COTL1: variants seen among roughly 807,000 people sequenced by gnomAD.
COTL1 encodes coactosin like F-actin binding protein 1.
Under a neutral mutation model 16.5 loss-of-function variants are expected in COTL1, and 15 were observed. The observed-to-expected ratio is 0.91, with a 90% CI of 0.61 to 1.40. The LOEUF (loss-of-function observed/expected upper bound fraction) is 1.40. Among genes scored for constraint, COTL1 ranks in the 40% most tolerant of loss-of-function variants. COTL1 has a pLI of 0.00. For missense variants in COTL1, 220 were observed against 201.5 expected (o/e 1.09, Z -0.56); for synonymous variants, 112 against 85.3 (o/e 1.31, Z -1.73).
intron 2 of COTL1, among the ~76,000 whole-genome samples, chr16:84,614,348 G>A (rs968846023): frequency 4.6e-5 from 7 of 152,138 alleles, no homozygotes; most frequent in Admixed American, 1.3e-4. Flanking sequence ...GGATGAGTGC[G>A]GGGGTGGGAG....
chr16:84,582,676 T>G (rs1904625739), intron 3 of COTL1, among the ~76,000 whole-genome samples: 1 of 152,230 alleles, frequency 6.6e-6, no homozygotes, highest in Non-Finnish European at 1.5e-5. Context: ...AATCCGGGTT[T>G]TGAAGGATGA....
chr16:84,579,383 G>C (rs560928586), intron 3 of COTL1, among the ~76,000 whole-genome samples: 1 of 152,358 alleles, frequency 6.6e-6, no homozygotes, highest in African/African-American at 2.4e-5. Context: ...AGCTTCTTGG[G>C]AGGCTGAGGC....
intron 2 of COTL1, among the ~76,000 whole-genome samples, chr16:84,607,114 C>T (rs1905226534): frequency 6.6e-6 from 1 of 152,168 alleles, no homozygotes; most frequent in Non-Finnish European, 1.5e-5. Context: ...GGGACAAAGT[C>T]CCTCTCTCCA....
chr16:84,567,083 G>A (rs1165468742), intron 3 of COTL1, 128 bp from the exon 4 acceptor site: 7 of 634,796 alleles, frequency 1.1e-5, no homozygotes, highest in Admixed American at 6.6e-5. Flanking sequence ...TGGAAATTCA[G>A]CAGCAGAGTC....
intron 2 of COTL1, among the ~76,000 whole-genome samples, chr16:84,613,776 C>G (rs1465679624): frequency 6.6e-6 from 1 of 152,138 alleles, no homozygotes; most frequent in Non-Finnish European, 1.5e-5. Flanking sequence ...GCCATTCTTC[C>G]CTAGGAAGCC....
intron 3 of COTL1, among the ~76,000 whole-genome samples, chr16:84,586,761 A>AT (rs1237056283): frequency 6.6e-6 from 1 of 151,762 alleles, no homozygotes; most frequent in Non-Finnish European, 1.5e-5. Context: ...CTTTTTTGGT[A>AT]TTTTTAGTAG....
At position 84,566,468 on chromosome 16, in the gene COTL1, G is replaced by T. The variant is rs1232937657; in HGVS notation, c.*377C>A. ...CCCGGGCTCTGGAAAGCAACGTGAGGTCATGCAGATCTCACTAGGCAGACC... is the reference window on the plus strand; with the variant it reads ...CCCGGGCTCTGGAAAGCAACGTGAGTTCATGCAGATCTCACTAGGCAGACC... On this transcript the variant is annotated 3_prime_UTR_variant, in exon 4 of 4. Coordinates refer to ENST00000262428, the MANE Select transcript of COTL1 (RefSeq NM_021149.5). 1 of 169,646 alleles carries T rather than the reference G, an allele frequency of 5.9e-6. No individual in the cohort carries two copies. Among genetic ancestry groups the T allele is most frequent in the Non-Finnish European group, 1.3e-5 (1 of 79,346 alleles). The allele number at this position is 169,646 out of a possible 1,614,324, so 10.5% of individuals were successfully genotyped here.
chr16:84,566,932 G>A lies in COTL1; in HGVS notation c.342C>T (p.Ile114=). 6.2e-7 allele frequency: 1 copy of A among 1,613,638 alleles called. No individual in the cohort carries two copies. The highest frequency in any genetic ancestry group is 8.5e-7 in the Non-Finnish European group (1 of 1,179,626). ...VVQNFAKEFV[I]SDRKELEEDF... ...CTTCCTCCAGCTCCTTCCGATCACT[G>A]ATCACAAACTCCTTAGCGAAATTCT... is the stretch of plus-strand genomic sequence containing the variant. Residue 114 remains isoleucine (I), a synonymous_variant, in exon 4 of 4, where the codon ATC becomes ATT. Coordinates refer to ENST00000262428, the MANE Select transcript of COTL1 (RefSeq NM_021149.5).
chr16:84,601,481 G>A (rs183437449), intron 2 of COTL1, among the ~76,000 whole-genome samples: 1 of 152,066 alleles, frequency 6.6e-6, no homozygotes, highest in East Asian at 1.9e-4. Flanking sequence ...CCCCCGAGAC[G>A]GAGTCTTGCT....
At chr16:84,617,404 G>T in intron 2 of COTL1, 97 bp downstream of exon 2, 1 of 1,168,966 alleles carries the variant, frequency 8.6e-7, no homozygotes. Flanking sequence ...ACCCCATGTG[G>T]CCACCGGTTC....
At chr16:84,578,828 C>G (rs1204515305) in intron 3 of COTL1, among the ~76,000 whole-genome samples, 1 of 152,008 alleles carries the variant, frequency 6.6e-6, no homozygotes, top group African/African-American at 2.4e-5. Flanking sequence ...TATACACACA[C>G]AGGTGCATAG....
Position 84,590,072 on chromosome 16 carries a change from C to CTT in COTL1, c.318+31_318+32dup. The CTT allele has an allele frequency of 1.9e-6, 3 of 1,586,260 alleles. No homozygotes were observed. The East Asian group carries it at 6.8e-5, about 36-fold the overall frequency. On this transcript the variant is annotated intron_variant, in intron 3 of 3. Coordinates refer to ENST00000262428, the MANE Select transcript of COTL1 (RefSeq NM_021149.5). The surrounding 1 kb of genome is among the most constrained non-coding windows in gnomAD (Gnocchi z 5.5). ...TTGCAGGATGGTGACCCTTGGCGAG[C>CTT]TTTGACCTCCAGACTCTGGAGGAAC...
chr16:84,597,449 G>C (rs1905028130), intron 2 of COTL1, among the ~76,000 whole-genome samples: 2 of 152,294 alleles, frequency 1.3e-5, no homozygotes, highest in Middle Eastern at 6.8e-3. Context: ...AGTTCTCAAA[G>C]TGTGGTCCTC....
chr16:84,618,020 C>G lies in COTL1; in HGVS notation c.-106G>C. The G allele has an allele frequency of 1.7e-6, 1 of 598,336 alleles. No individual in the cohort carries two copies. The highest frequency in any genetic ancestry group is 2.2e-6 in the Non-Finnish European group (1 of 445,796). The allele number at this position is 598,336 out of a possible 1,614,324, so 37.1% of individuals were successfully genotyped here. On this transcript the variant is annotated 5_prime_UTR_variant, in exon 1 of 4. Transcript: ENST00000262428. ...TACGCGCCGAGGGCGCACGGGCTGG[C>G]GGCGGTGGCGACGGCTACGCGGCGC...
At chr16:84,586,089 T>C (rs1904725916) in intron 3 of COTL1, among the ~76,000 whole-genome samples, 1 of 152,168 alleles carries the variant, frequency 6.6e-6, no homozygotes, top group South Asian at 2.1e-4. Flanking sequence ...GAGGCCTCTC[T>C]CTTCTGGGAT....
In COTL1 at chr16:84,617,470, G is replaced by A. The variant is rs369959700; in HGVS notation, c.160+31C>T. The A allele has an allele frequency of 7.7e-5, 119 of 1,543,944 alleles. No homozygotes were observed. The African/African-American group carries it at 1.3e-3, about 17-fold the overall frequency. ...GGGTGCAGACAACCTCCCAACGACC[G>A]CGCATCCGCCCGGCAGGCGCGCCTC... On this transcript the variant is annotated intron_variant, in intron 2 of 3. Transcript: ENST00000262428.
intron 2 of COTL1, among the ~76,000 whole-genome samples, chr16:84,598,742 G>T (rs1463868594): frequency 6.7e-6 from 1 of 149,610 alleles, no homozygotes; most frequent in Non-Finnish European, 1.5e-5. Context: ...GACAGTGGGG[G>T]TGGGAAGGAC....
At chr16:84,604,081 C>T (rs1032944649) in intron 2 of COTL1, among the ~76,000 whole-genome samples, 1 of 138,060 alleles carries the variant, frequency 7.2e-6, no homozygotes, top group African/African-American at 2.8e-5. Flanking sequence ...ACCCCATACT[C>T]CCCAACCGCC....
intron 2 of COTL1, among the ~76,000 whole-genome samples, chr16:84,603,104 C>T (rs566427706): frequency 6.6e-6 from 1 of 152,134 alleles, no homozygotes; most frequent in Non-Finnish European, 1.5e-5. Context: ...CCCCTCTCTG[C>T]CCCCCAGTTC....
Sources: allele counts gnomAD v4.1 joint callset (sites outside exome capture counted in the v4.1 genomes callset), GRCh38; gene constraint gnomAD v4.1.1; non-coding constraint Gnocchi (gnomAD v3.1); transcripts MANE v1.5; gene names NCBI Gene and HGNC (gene_info 2026-07-23, HGNC 2026-07-21).